Variants in BMAL1 observed in about 807,000 individuals in gnomAD.
BMAL1 encodes basic helix-loop-helix ARNT like 1, also known as basic helix-loop-helix ARNT-like protein 1.
the BMAL1 span, among the ~76,000 whole-genome samples, chr11:13,339,146 C>A: frequency 3.3e-5 from 5 of 152,220 alleles, no homozygotes; most frequent in African/African-American, 1.2e-4. Context: ...TGGGAGTCAC[C>A]CCCATGTCTA....
At chr11:13,379,290 T>G in the BMAL1 span, 4,619 of 152,274 alleles carry the variant, frequency 0.03, 85 homozygotes, top group Non-Finnish European at 0.048. Context: ...ACCAGATTCT[T>G]CAGAACGAAA....
the BMAL1 span, among the ~76,000 whole-genome samples, chr11:13,310,296 A>T: frequency 2.6e-5 from 4 of 152,108 alleles, no homozygotes; most frequent in Admixed American, 6.5e-5. Context: ...CGGGGGATGG[A>T]TGCAGCGGGC....
At chr11:13,299,213 G>A in the BMAL1 span, among the ~76,000 whole-genome samples, 2 of 152,236 alleles carry the variant, frequency 1.3e-5, no homozygotes, top group African/African-American at 4.8e-5. Context: ...GGAGAGAGGA[G>A]TCTCTTGGAT....
At chr11:13,366,640 C>T in the BMAL1 span, 1 of 1,576,454 alleles carries the variant, frequency 6.3e-7, no homozygotes, top group South Asian at 1.1e-5. Flanking sequence ...ATTGACTTGT[C>T]ATGTTTAACA....
At chr11:13,366,417 C>T in the BMAL1 span, among the ~76,000 whole-genome samples, 9 of 152,176 alleles carry the variant, frequency 5.9e-5, no homozygotes, top group Non-Finnish European at 1.0e-4. Context: ...AGATTGTTGC[C>T]TTAGAAGAGC....
the BMAL1 span, among the ~76,000 whole-genome samples, chr11:13,306,676 A>G: frequency 6.6e-6 from 1 of 152,244 alleles, no homozygotes; most frequent in Non-Finnish European, 1.5e-5. Context: ...AGAGGAAACA[A>G]CGTGGGAAAA....
the BMAL1 span, among the ~76,000 whole-genome samples, chr11:13,309,754 C>T: frequency 6.6e-6 from 1 of 152,072 alleles, no homozygotes; most frequent in African/African-American, 2.4e-5. Context: ...CCACAACGTG[C>T]CATGTGTTAC....
the BMAL1 span, among the ~76,000 whole-genome samples, chr11:13,359,713 T>C: frequency 2.0e-5 from 3 of 152,222 alleles, no homozygotes; most frequent in East Asian, 3.8e-4. Context: ...CATTTTTCTC[T>C]GTTAAGTGAT....
the BMAL1 span, among the ~76,000 whole-genome samples, chr11:13,304,981 G>A: frequency 6.6e-6 from 1 of 152,202 alleles, no homozygotes; most frequent in African/African-American, 2.4e-5. Context: ...TAGCAAAGGA[G>A]GAGAGCCTTT....
chr11:13,366,761 G>C, the BMAL1 span: 1 of 1,614,038 alleles, frequency 6.2e-7, no homozygotes, highest in Non-Finnish European at 8.5e-7. Context: ...CGCACCCCGG[G>C]AGCGGCTCAT....
At chr11:13,382,296 T>A in the BMAL1 span, among the ~76,000 whole-genome samples, 42 of 151,640 alleles carry the variant, frequency 2.8e-4, no homozygotes, top group Non-Finnish European at 4.3e-4. Context: ...GACTACAAAG[T>A]AAGACCTGGG....
At chr11:13,313,817 A>G in the BMAL1 span, among the ~76,000 whole-genome samples, 1 of 152,098 alleles carries the variant, frequency 6.6e-6, no homozygotes, top group Non-Finnish European at 1.5e-5. Context: ...TTAGAAAATA[A>G]AAGCTAACCC....
At chr11:13,335,337 T>C in the BMAL1 span, among the ~76,000 whole-genome samples, 6 of 152,250 alleles carry the variant, frequency 3.9e-5, no homozygotes, top group Non-Finnish European at 8.8e-5. Context: ...TCCTGTCTGC[T>C]GTTGGGTTTT....
chr11:13,385,749 G>A, the BMAL1 span: 1 of 1,613,680 alleles, frequency 6.2e-7, no homozygotes, highest in African/African-American at 1.3e-5. Flanking sequence ...CCAGGCTCAG[G>A]AGAACCCAGG....
the BMAL1 span, among the ~76,000 whole-genome samples, chr11:13,341,565 C>T: frequency 1.3e-5 from 2 of 152,188 alleles, no homozygotes; most frequent in Non-Finnish European, 2.9e-5. Context: ...CCTAACTCCA[C>T]CCTCCCTCAC....
chr11:13,386,167 C>T, the BMAL1 span, among the ~76,000 whole-genome samples: 1 of 152,218 alleles, frequency 6.6e-6, no homozygotes, highest in Non-Finnish European at 1.5e-5. Context: ...TTTCCCATCA[C>T]ATCCATCTTT....
chr11:13,328,072 A>G, the BMAL1 span, among the ~76,000 whole-genome samples: 1 of 152,216 alleles, frequency 6.6e-6, no homozygotes, highest in Non-Finnish European at 1.5e-5. Context: ...TGAGATACGT[A>G]TTCACACATG....
At chr11:13,353,933 C>T in the BMAL1 span, among the ~76,000 whole-genome samples, 2 of 152,134 alleles carry the variant, frequency 1.3e-5, no homozygotes, top group African/African-American at 2.4e-5. Context: ...TGGTCCCCTC[C>T]GTGGGAACTG....
the BMAL1 span, among the ~76,000 whole-genome samples, chr11:13,360,655 C>T: frequency 2.6e-5 from 4 of 152,122 alleles, no homozygotes; most frequent in South Asian, 2.1e-4. Context: ...TCTATGCCAC[C>T]GCAATTTAAA....
Sources: gnomAD v4.1 joint callset for allele counts (sites outside exome capture counted in the v4.1 genomes callset) on GRCh38, gnomAD v4.1.1 for gene constraint, MANE v1.5 for transcripts, NCBI Gene and HGNC (gene_info 2026-07-23, HGNC 2026-07-21) for gene names.